Variants in SLC38A8 observed in about 807,000 individuals in gnomAD.
SLC38A8 encodes the protein amino acid transporter SLC38A8.
In SLC38A8, 65 loss-of-function variants were observed where a neutral mutation model predicts 46.0. The observed-to-expected ratio is 1.41, with a 90% CI of 1.16 to 1.74. The LOEUF is 1.74. SLC38A8 is among the 40% of genes most tolerant of loss of function. The probability of loss-of-function intolerance (pLI) is 0.00; values close to 1 mark genes in which losing one functional copy is unlikely to be tolerated. For synonymous variants in SLC38A8, 447 were observed against 243.7 expected, an observed-to-expected ratio of 1.83 and a Z score of -7.77; for missense variants, 998 against 567.9, an observed-to-expected ratio of 1.76 and a Z score of -7.70.
chr16:84,036,564 G>A (rs1597277787), intron 3 of SLC38A8, 138 bp downstream of exon 3: 3 of 955,158 alleles, frequency 3.1e-6, no homozygotes, highest in East Asian at 2.6e-5. Context: ...TACCATGTTA[G>A]GAACAAGAGT....
At chr16:84,032,333 T>G (rs2085251000) in intron 4 of SLC38A8, among the ~76,000 whole-genome samples, 1 of 152,108 alleles carries the variant, frequency 6.6e-6, no homozygotes, top group Non-Finnish European at 1.5e-5. Context: ...GGATTACAGG[T>G]GTCCGCCCCC....
chr16:84,031,700 G>C (rs570209726), intron 5 of SLC38A8, among the ~76,000 whole-genome samples, 167 bp downstream of exon 5: 5 of 100,948 alleles, frequency 5.0e-5, no homozygotes, highest in East Asian at 3.5e-4. Context: ...AGCAGAAGGA[G>C]AGTGGCCCTC....
Position 84,016,715 on chromosome 16 carries a change from C to G in SLC38A8, c.966G>C (p.Gln322His). 1 of 1,612,536 alleles carries G rather than the reference C, an allele frequency of 6.2e-7. No homozygotes were observed. Among genetic ancestry groups the G allele is most frequent in the Non-Finnish European group, 8.5e-7 (1 of 1,179,804 alleles). Residue 322 changes from glutamine to histidine, a missense_variant, in exon 9 of 11, where the codon CAG becomes CAC. By Grantham distance (24) the Gln-to-His change is conservative. Coordinates refer to ENST00000299709, the MANE Select transcript of SLC38A8 (RefSeq NM_001080442.3). ...CCAAGCAGCTCCTCCTCCAGAAGTC[C>G]TGCATCACTGACCTGGAGGCCACAG... The part of the protein sequence containing the change: ...IVLFLGRSVM[Q>H]DFWRRSCLGG...
intron 1 of SLC38A8, 133 bp downstream of exon 1, chr16:84,042,418 T>C: frequency 5.9e-6 from 2 of 341,250 alleles, no homozygotes; most frequent in Non-Finnish European, 1.1e-5. Flanking sequence ...CCTCACCCCT[T>C]CCCCCTCCCT....
At chr16:84,042,860 C>T (rs532432341), upstream of SLC38A8, among the ~76,000 whole-genome samples, 1 of 145,838 alleles carries the variant, frequency 6.9e-6, no homozygotes, top group East Asian at 2.0e-4. Flanking sequence ...CAGCCCCCTG[C>T]AGGCCCGGCC....
chr16:84,018,358 G>C (rs1047313160), intron 7 of SLC38A8, among the ~76,000 whole-genome samples: 33 of 150,038 alleles, frequency 2.2e-4, no homozygotes, highest in Non-Finnish European at 4.4e-4. Flanking sequence ...CTAGCCTCCT[G>C]AGTAGCTGGG....
At chr16:84,011,772 T>A (rs1466498793) in intron 10 of SLC38A8, among the ~76,000 whole-genome samples, 2 of 152,152 alleles carry the variant, frequency 1.3e-5, no homozygotes, top group African/African-American at 4.8e-5. Context: ...TGGTCCCAGC[T>A]ACTCAGGAGG....
rs917869507 is a variant in SLC38A8 at position 84,016,900 on chromosome 16, C to G, written c.954-173G>C. The G allele has an allele frequency of 1.7e-5, 17 of 982,934 alleles. No homozygotes were observed. The East Asian group carries it at 4.5e-4, about 26-fold the overall frequency. 60.9% of individuals were successfully genotyped at this position (982,934 alleles called of 1,614,324 possible). A position where few individuals can be genotyped will look rare whatever the true frequency, so the allele number is the denominator to read the frequency against. ...CAACCCTCAGGGGTTCTGCCACCAT[C>G]GGGCAGCCCATGGGGCAGGGGATGA... is the stretch of plus-strand genomic sequence containing the variant. On this transcript the variant is annotated intron_variant, in intron 8 of 10. Transcript: ENST00000299709.
Position 84,016,774 on chromosome 16 carries a change from A to G in SLC38A8, c.954-47T>C, listed in dbSNP as rs1178338075. 3 of 1,578,636 alleles carry G rather than the reference A, an allele frequency of 1.9e-6. 1 individual carries two copies. The highest frequency in any genetic ancestry group is 2.6e-6 in the Non-Finnish European group (3 of 1,158,992). On this transcript the variant is annotated intron_variant, in intron 8 of 10. Transcript: ENST00000299709. ...GACACATGGGCATCTCAGGGGCACC[A>G]GCCTCCACCCGACAGCTGCTCCCCA...
chr16:84,010,585 T>C (rs1331177087), intron 10 of SLC38A8, among the ~76,000 whole-genome samples: 1 of 151,436 alleles, frequency 6.6e-6, no homozygotes, highest in Non-Finnish European at 1.5e-5. Context: ...CTACTAAAAA[T>C]AAAAATAAAA....
chr16:84,040,912 A>T (rs2151130939), intron 2 of SLC38A8, among the ~76,000 whole-genome samples: 1 of 152,340 alleles, frequency 6.6e-6, no homozygotes, highest in Middle Eastern at 3.4e-3. Flanking sequence ...GGCACGGGGC[A>T]GGAGCTCGGC....
chr16:84,014,005 C>T (rs968285945), intron 9 of SLC38A8, among the ~76,000 whole-genome samples: 2 of 151,910 alleles, frequency 1.3e-5, no homozygotes, highest in African/African-American at 4.8e-5. Context: ...GCCACACCCT[C>T]AGCCCTGAAA....
At chr16:84,010,682 C>T (rs754742916) in intron 10 of SLC38A8, among the ~76,000 whole-genome samples, 5 of 151,994 alleles carry the variant, frequency 3.3e-5, no homozygotes, top group Admixed American at 1.3e-4. Flanking sequence ...AGGCAGAGGT[C>T]GCAGTGAGCC....
chr16:84,012,321 G>A (rs558481646), intron 10 of SLC38A8, among the ~76,000 whole-genome samples: 2 of 152,196 alleles, frequency 1.3e-5, no homozygotes, highest in Non-Finnish European at 2.9e-5. Flanking sequence ...CTGCTCAGTG[G>A]CAAAGTACAG....
chr16:84,039,552 C>G (rs545908941), intron 2 of SLC38A8, among the ~76,000 whole-genome samples: 40 of 152,212 alleles, frequency 2.6e-4, no homozygotes, highest in African/African-American at 8.7e-4. Context: ...CGAGACCATC[C>G]TGGCCAACAC....
chr16:84,033,879 A>T (rs898263741), intron 3 of SLC38A8, among the ~76,000 whole-genome samples: 16 of 152,232 alleles, frequency 1.1e-4, no homozygotes, highest in Admixed American at 6.5e-5. Flanking sequence ...GCTGCTGTGC[A>T]TGAGCATTGT....
chr16:84,035,610 A>G (rs2085291789), intron 3 of SLC38A8, among the ~76,000 whole-genome samples: 1 of 152,062 alleles, frequency 6.6e-6, no homozygotes, highest in Admixed American at 6.6e-5. Context: ...CACATTTAAC[A>G]AAAAAATAAT....
intron 5 of SLC38A8, among the ~76,000 whole-genome samples, chr16:84,030,176 T>C (rs921598942): frequency 6.6e-6 from 1 of 152,090 alleles, no homozygotes; most frequent in African/African-American, 2.4e-5. Flanking sequence ...GACCCAGTGA[T>C]CCGTCTATCA....
intron 9 of SLC38A8, among the ~76,000 whole-genome samples, chr16:84,014,021 GC>G (rs1274671545): frequency 1.3e-5 from 2 of 151,378 alleles, no homozygotes; most frequent in African/African-American, 4.9e-5. Flanking sequence ...TGAAAGCCCC[GC>G]CCAGAGCCTG....
Sources: gnomAD v4.1 joint callset for allele counts (sites outside exome capture counted in the v4.1 genomes callset) on GRCh38, gnomAD v4.1.1 for gene constraint, MANE v1.5 for transcripts, NCBI Gene and HGNC (gene_info 2026-07-23, HGNC 2026-07-21) for gene names.